Variants in IL6R observed in about 807,000 individuals in gnomAD.
The protein encoded by IL6R is interleukin 6 receptor.
Under a neutral mutation model 48.3 loss-of-function variants are expected in IL6R, and 38 were observed. The observed-to-expected ratio is 0.79, with a 90% confidence interval of 0.61 to 1.03. The LOEUF (loss-of-function observed/expected upper bound fraction) is 1.03. Ranked by LOEUF, IL6R falls within the 50% of genes least tolerant of loss-of-function variation. The pLI is 0.00. For synonymous variants in IL6R, 264 were observed against 256.2 expected (o/e 1.03, Z -0.29); for missense variants, 534 against 618.3 (o/e 0.86, Z 1.45).
chr1:154,420,951 C>T (rs1244816356), intron 1 of IL6R, among the ~76,000 whole-genome samples: 1 of 152,214 alleles, frequency 6.6e-6, no homozygotes, highest in African/African-American at 2.4e-5. Flanking sequence ...GACACCAACA[C>T]TGACTGTTGA....
chr1:154,447,470 T>TAC (rs1690305209), intron 6 of IL6R, among the ~76,000 whole-genome samples: 3 of 101,188 alleles, frequency 3.0e-5, no homozygotes, highest in Non-Finnish European at 5.5e-5. Context: ...TATATATATA[T>TAC]ATATATACAC....
chr1:154,468,397 C>G lies in IL6R; in HGVS notation c.*3017C>G, dbSNP rs2149283529. On this transcript the variant is annotated 3_prime_UTR_variant, in exon 10 of 10. Transcript: ENST00000368485. ...TTTAGGTTAAATACGACAGCTTATC[C>G]TGCTGGGTGGGGAAAGTAAAAAATA... 1 of 152,352 alleles carries G rather than the reference C, an allele frequency of 6.6e-6. No individual in the cohort carries two copies. The highest frequency in any genetic ancestry group is 2.1e-4 in the South Asian group (1 of 4,834). 9.4% of individuals were successfully genotyped at this position (152,352 alleles called of 1,614,324 possible).
chr1:154,429,765 T>G (rs1014032805), intron 2 of IL6R, among the ~76,000 whole-genome samples: 4 of 152,120 alleles, frequency 2.6e-5, no homozygotes, highest in African/African-American at 9.7e-5. Flanking sequence ...CACCCTTCAG[T>G]TTCATCTTTG....
At chr1:154,421,931 C>CT (rs894793387) in intron 1 of IL6R, among the ~76,000 whole-genome samples, 8 of 144,448 alleles carry the variant, frequency 5.5e-5, no homozygotes, top group East Asian at 2.1e-4. Flanking sequence ...ACTCTCAATT[C>CT]TTTTTTTTTT....
Position 154,405,497 on chromosome 1 carries a change from A to C in IL6R, c.-133A>C. 1 of 752,066 alleles carries C rather than the reference A, an allele frequency of 1.3e-6. No individual in the cohort carries two copies. Among genetic ancestry groups the C allele is most frequent in the Non-Finnish European group, 2.0e-6 (1 of 494,904 alleles). 46.6% of individuals were successfully genotyped at this position (752,066 alleles called of 1,614,324 possible). On this transcript the variant is annotated 5_prime_UTR_variant, in exon 1 of 10. The change abolishes an upstream ATG in the 5' untranslated region. Coordinates refer to ENST00000368485, the MANE Select transcript of IL6R (RefSeq NM_000565.4). The surrounding 1 kb of genome is among the most constrained non-coding windows in gnomAD (Gnocchi z 5.2). ...TGTGTAGAGAGCCGGGCTCCTGCGG[A>C]TGGGGGCTGCCCCCGGGGCCTGAGC... is the stretch of plus-strand genomic sequence containing the variant.
At chr1:154,454,707 C>T (rs1690777070) in intron 9 of IL6R, 126 bp downstream of exon 9, 2 of 693,358 alleles carry the variant, frequency 2.9e-6, no homozygotes, top group South Asian at 3.2e-5. Context: ...TGAATGCACA[C>T]ACCACAACAC....
At chr1:154,440,801 C>T (rs1345873037) in intron 6 of IL6R, among the ~76,000 whole-genome samples, 3 of 152,064 alleles carry the variant, frequency 2.0e-5, no homozygotes, top group Non-Finnish European at 4.4e-5. Context: ...GATTGGCATG[C>T]ACCACCACAC....
At chr1:154,431,740 C>T (rs1553306965) in intron 3 of IL6R, among the ~76,000 whole-genome samples, 1 of 152,068 alleles carries the variant, frequency 6.6e-6, no homozygotes, top group Non-Finnish European at 1.5e-5. Context: ...GAAGGAGGAT[C>T]AGCTGTTTTG....
chr1:154,430,375 G>A (rs1689223168), intron 2 of IL6R, 108 bp from the exon 3 acceptor site: 10 of 1,403,828 alleles, frequency 7.1e-6, no homozygotes, highest in Non-Finnish European at 9.6e-6. Flanking sequence ...GGCTGGGGCC[G>A]AGGGGCCCAG....
intron 6 of IL6R, among the ~76,000 whole-genome samples, chr1:154,440,751 G>C (rs894010464): frequency 3.3e-5 from 5 of 151,838 alleles, no homozygotes; most frequent in African/African-American, 1.2e-4. Context: ...ACCTCCTGGG[G>C]TTCAAGTGAT....
In IL6R at chr1:154,405,816, T is replaced by G. The variant is rs2149196491; in HGVS notation, c.85+102T>G. The G allele has an allele frequency of 1.1e-6, 1 of 869,894 alleles. No individual in the cohort carries two copies. The allele number at this position is 869,894 out of a possible 1,614,324, so 53.9% of individuals were successfully genotyped here. The stretch of plus-strand genomic sequence containing the variant: ...GGGAGGCTGGAGGGAGGAAAGGAGG[T>G]GCGACGGATCCCCTTTTCTGTGGCT... On this transcript the variant is annotated intron_variant, in intron 1 of 9. Transcript: ENST00000368485. This position sits in a 1 kb window ranked among gnomAD's most constrained non-coding sequence, Gnocchi z 5.2.
At position 154,409,080 on chromosome 1, in the gene IL6R, T is replaced by C. The variant is rs142401570; in HGVS notation, c.85+3366T>C. 3.0e-3 allele frequency among the ~76,000 whole-genome samples: 451 copies of C among 152,294 alleles called. 3 individuals carry two copies. Among genetic ancestry groups the C allele is most frequent in the African/African-American group, 0.01 (428 of 41,554 alleles). On this transcript the variant is annotated intron_variant, in intron 1 of 9. Coordinates refer to ENST00000368485, the MANE Select transcript of IL6R (RefSeq NM_000565.4). Reference sequence around the variant, plus strand: ...GAGAATCACTTGAGTCCAGTCTGCATGGAGCCATGTTTGCACTACCGAATT... The same window carrying C: ...GAGAATCACTTGAGTCCAGTCTGCACGGAGCCATGTTTGCACTACCGAATT...
intron 6 of IL6R, among the ~76,000 whole-genome samples, chr1:154,447,476 T>TATATATATACACACAC (rs1424013885): frequency 1.5e-5 from 1 of 68,834 alleles, no homozygotes; most frequent in Admixed American, 2.2e-4. Context: ...TATATATATA[T>TATATATATACACACAC]ACACACACAC....
chr1:154,453,635 G>A (rs561617574), intron 8 of IL6R, among the ~76,000 whole-genome samples: 55 of 152,282 alleles, frequency 3.6e-4, no homozygotes, highest in South Asian at 1.9e-3. Flanking sequence ...ATATTTTGGC[G>A]ATCCTACTTT....
At chr1:154,455,417 T>TTTTTTC (rs200867955) in intron 9 of IL6R, among the ~76,000 whole-genome samples, 1,874 of 151,436 alleles carry the variant, frequency 0.012, 41 homozygotes, top group African/African-American at 0.043. Flanking sequence ...CTGTTGGAGT[T>TTTTTTC]TTTTTCTTTT....
intron 1 of IL6R, among the ~76,000 whole-genome samples, chr1:154,426,379 G>T (rs963825800): frequency 6.6e-6 from 1 of 151,910 alleles, no homozygotes; most frequent in African/African-American, 2.4e-5. Flanking sequence ...AAATTAGCCG[G>T]GCATGGTGGT....
chr1:154,454,158 A>G, intron 8 of IL6R: 1 of 349,186 alleles, frequency 2.9e-6, no homozygotes. Context: ...GTCACCAGAA[A>G]AGCCACTCTG....
intron 3 of IL6R, among the ~76,000 whole-genome samples, chr1:154,434,242 C>T (rs1490170326): frequency 2.0e-5 from 3 of 151,898 alleles, no homozygotes; most frequent in Non-Finnish European, 4.4e-5. Flanking sequence ...GGGAGGGAGG[C>T]GGAGGTTGCA....
In IL6R at chr1:154,465,898, G is replaced by C. The variant is rs529734559; in HGVS notation, c.*518G>C. ...ATTCTGTTTTTCTAGGCCTGGGGAC[G>C]GCTTTTACTTAAACCGCCAAGGCTG... is the stretch of plus-strand genomic sequence containing the variant. On this transcript the variant is annotated 3_prime_UTR_variant, in exon 10 of 10. Coordinates refer to ENST00000368485, the MANE Select transcript of IL6R (RefSeq NM_000565.4). 1.3e-5 allele frequency: 2 copies of C among 156,592 alleles called. No homozygotes were observed. The highest frequency in any genetic ancestry group is 1.4e-5 in the Non-Finnish European group (1 of 70,386). 9.7% of individuals were successfully genotyped at this position (156,592 alleles called of 1,614,324 possible). A position where few individuals can be genotyped will look rare whatever the true frequency, so the allele number is the denominator to read the frequency against.
Sources: gnomAD v4.1 joint callset for allele counts (sites outside exome capture counted in the v4.1 genomes callset) on GRCh38, gnomAD v4.1.1 for gene constraint, Gnocchi (gnomAD v3.1) non-coding constraint, MANE v1.5 for transcripts, NCBI Gene and HGNC (gene_info 2026-07-23, HGNC 2026-07-21) for gene names.